VWA5B1: variants seen among roughly 807,000 people sequenced by gnomAD.
VWA5B1 encodes the protein von Willebrand factor A domain-containing protein 5B1.
A neutral mutation model predicts 118.2 loss-of-function variants in VWA5B1; 115 were observed. The observed-to-expected ratio is 0.97, with a 90% CI of 0.84 to 1.14. The LOEUF is 1.14. Among genes scored for constraint, VWA5B1 ranks in the 50% most tolerant of loss-of-function variants. The probability of loss-of-function intolerance (pLI) is 0.00; values close to 1 mark genes in which losing one functional copy is unlikely to be tolerated. For synonymous variants in VWA5B1, 682 were observed against 658.4 expected (o/e 1.04, Z -0.55); for missense variants, 1,596 against 1,603.8 (o/e 1.00, Z 0.08).
intron 7 of VWA5B1, among the ~76,000 whole-genome samples, chr1:20,321,078 C>T (rs551667788): frequency 3.8e-5 from 5 of 131,812 alleles, no homozygotes; most frequent in East Asian, 2.4e-4. Flanking sequence ...GGGCACACCA[C>T]GCGTGAGACA....
intron 2 of VWA5B1, 78 bp from the exon 3 acceptor site, chr1:20,312,758 G>T: frequency 1.4e-6 from 2 of 1,434,312 alleles, no homozygotes; most frequent in Middle Eastern, 1.8e-4. Context: ...GGCAGACCAA[G>T]GGTTCAGGTT....
At chr1:20,336,926 G>A (rs2089734802) in intron 13 of VWA5B1, among the ~76,000 whole-genome samples, 2 of 152,198 alleles carry the variant, frequency 1.3e-5, no homozygotes, top group South Asian at 4.2e-4. Context: ...AACAAACTAT[G>A]GGAATCCCAG....
At chr1:20,335,651 C>G (rs2100954910) in intron 12 of VWA5B1, among the ~76,000 whole-genome samples, 1 of 152,246 alleles carries the variant, frequency 6.6e-6, no homozygotes. Context: ...GTGCTGTATT[C>G]TTACAATAAA....
intron 9 of VWA5B1, among the ~76,000 whole-genome samples, chr1:20,328,645 C>T (rs768656603): frequency 3.3e-5 from 5 of 152,106 alleles, no homozygotes; most frequent in Admixed American, 6.5e-5. Flanking sequence ...ATGTTGCATG[C>T]GCTTGTAATC....
rs114268676 is a variant in VWA5B1, at chr1:20,320,919, G to A, written c.966+1413G>A. 1.5e-3 allele frequency among the ~76,000 whole-genome samples: 227 copies of A among 152,160 alleles called. 1 individual carries two copies. The highest frequency in any genetic ancestry group is 3.8e-3 in the African/African-American group (156 of 41,522). ...TCTGGGCTGTGGCCTCTGGTGGAGC[G>A]GCTTCACGTGGGAGAGAGACAGCGA... On this transcript the variant is annotated intron_variant, in intron 7 of 21. Transcript: ENST00000289815.
At chr1:20,305,215 G>A (rs923637225) in intron 1 of VWA5B1, among the ~76,000 whole-genome samples, 1 of 152,174 alleles carries the variant, frequency 6.6e-6, no homozygotes, top group African/African-American at 2.4e-5. Context: ...AGGAATGAGC[G>A]AGTGGTCTTG....
chr1:20,351,220 A>C (rs2090122391), intron 20 of VWA5B1, among the ~76,000 whole-genome samples: 1 of 152,238 alleles, frequency 6.6e-6, no homozygotes, highest in Non-Finnish European at 1.5e-5. Context: ...AGAATGTGAT[A>C]GTAAAAGAGG....
chr1:20,314,274 G>A (rs2088934123), intron 3 of VWA5B1, 48 bp from the exon 4 acceptor site: 6 of 1,532,360 alleles, frequency 3.9e-6, no homozygotes, highest in South Asian at 1.2e-5. Context: ...TCTTAGAGGG[G>A]ATCAGAGATA....
At chr1:20,316,130 C>T (rs963824226) in intron 4 of VWA5B1, among the ~76,000 whole-genome samples, 5 of 152,158 alleles carry the variant, frequency 3.3e-5, no homozygotes, top group Admixed American at 6.5e-5. Flanking sequence ...ATTCAAAAAC[C>T]AGATGATGCC....
intron 8 of VWA5B1, among the ~76,000 whole-genome samples, chr1:20,324,372 C>G (rs1208409297): frequency 1.3e-5 from 2 of 152,128 alleles, no homozygotes; most frequent in East Asian, 3.9e-4. Context: ...TCACCTGCCC[C>G]CTGCCCCACC....
At chr1:20,296,908 T>A (rs1287716125) in intron 1 of VWA5B1, among the ~76,000 whole-genome samples, 1 of 152,244 alleles carries the variant, frequency 6.6e-6, no homozygotes, top group Non-Finnish European at 1.5e-5. Context: ...TATGAATGAA[T>A]GACTATGGAG....
chr1:20,348,156 G>A, intron 17 of VWA5B1, 89 bp from the exon 18 acceptor site: 1 of 1,219,680 alleles, frequency 8.2e-7, no homozygotes, highest in Non-Finnish European at 1.2e-6. Flanking sequence ...AAAGATTGAA[G>A]CCAGAATCAT....
intron 17 of VWA5B1, among the ~76,000 whole-genome samples, chr1:20,347,625 T>A (rs2101007694): frequency 6.6e-6 from 1 of 152,038 alleles, no homozygotes; most frequent in South Asian, 2.1e-4. Flanking sequence ...TTTTATTTTT[T>A]ATTTTTTTAT....
chr1:20,334,847 C>T (rs774842961), intron 12 of VWA5B1, among the ~76,000 whole-genome samples: 1 of 152,074 alleles, frequency 6.6e-6, no homozygotes, highest in Admixed American at 6.5e-5. Flanking sequence ...AACCTTTCAA[C>T]CCAGAAATCC....
At chr1:20,317,820 C>A (rs1216364486) in intron 5 of VWA5B1, 145 bp downstream of exon 5, 1 of 1,114,524 alleles carries the variant, frequency 9.0e-7, no homozygotes, top group African/African-American at 1.6e-5. Context: ...ACCCCCATTT[C>A]CCATGGCCCC....
At chr1:20,330,596 A>G (rs905879544) in intron 10 of VWA5B1, among the ~76,000 whole-genome samples, 1 of 152,082 alleles carries the variant, frequency 6.6e-6, no homozygotes, top group African/African-American at 2.4e-5. Flanking sequence ...TCTGCACACG[A>G]CTCACAAGAG....
At chr1:20,333,859 GTT>G (rs1169028374) in intron 12 of VWA5B1, among the ~76,000 whole-genome samples, 3 of 152,166 alleles carry the variant, frequency 2.0e-5, no homozygotes, top group Non-Finnish European at 4.4e-5. Flanking sequence ...TTCTCATCTT[GTT>G]TTGTTTTTCA....
chr1:20,348,433 C>T lies in VWA5B1; in HGVS notation c.2878+75C>T, dbSNP rs1164695358. On this transcript the variant is annotated intron_variant, in intron 18 of 21. Coordinates refer to ENST00000289815, the MANE Select transcript of VWA5B1 (RefSeq NM_001039500.3). The stretch of plus-strand genomic sequence containing the variant: ...TGGGCCCCTGAGGTTACCGCGTCCT[C>T]CTGTCCGAGGCCCTAGGACCACTCT... The T allele has an allele frequency of 3.2e-5, 46 of 1,453,384 alleles. No homozygotes were observed. The Admixed American group carries it at 8.1e-4, about 25-fold the overall frequency. The allele number at this position is 1,453,384 out of a possible 1,614,324, so 90.0% of individuals were successfully genotyped here. A position where few individuals can be genotyped will look rare whatever the true frequency, so the allele number is the denominator to read the frequency against.
At chr1:20,331,087 T>C (rs768357048) in intron 11 of VWA5B1, 104 bp downstream of exon 11, 49 of 957,776 alleles carry the variant, frequency 5.1e-5, no homozygotes, top group Non-Finnish European at 7.1e-5. Context: ...ACCCCAAATC[T>C]GAGCTCTTCA....
Sources: gnomAD v4.1 joint callset for allele counts (sites outside exome capture counted in the v4.1 genomes callset) on GRCh38, gnomAD v4.1.1 for gene constraint, MANE v1.5 for transcripts, NCBI Gene and HGNC (gene_info 2026-07-23, HGNC 2026-07-21) for gene names.